The following IPCEF1 variants were observed in gnomAD, a reference collection of about 807,000 sequenced individuals.
IPCEF1 encodes the protein interaction protein for cytohesin exchange factors 1.
IPCEF1 carries 31 observed loss-of-function variants against 50.9 expected under a neutral mutation model. The ratio of observed to expected loss-of-function variants is 0.61; its 90% CI spans 0.46 to 0.82. The LOEUF (loss-of-function observed/expected upper bound fraction) is 0.82. IPCEF1 is among the 40% of genes least tolerant of loss of function. IPCEF1 has a pLI of 0.00. For missense variants in IPCEF1, 458 were observed against 514.0 expected (o/e 0.89, Z 1.05); for synonymous variants, 181 against 192.0 (o/e 0.94, Z 0.47).
At chr6:154,197,008 C>A (rs1776673484) in intron 10 of IPCEF1, among the ~76,000 whole-genome samples, 1 of 152,138 alleles carries the variant, frequency 6.6e-6, no homozygotes, top group African/African-American at 2.4e-5. Flanking sequence ...CTGCTTGTTT[C>A]AGGACTCAGT....
rs1798856496 is a variant in IPCEF1, at chr6:154,159,690, A to G, written c.*138T>C. The G allele has an allele frequency of 4.4e-6, 3 of 675,880 alleles. No individual in the cohort carries two copies. The highest frequency in any genetic ancestry group is 1.8e-5 in the African/African-American group (1 of 54,682). The allele number at this position is 675,880 out of a possible 1,614,324, so 41.9% of individuals were successfully genotyped here. The stretch of plus-strand genomic sequence containing the variant: ...GTGTATTCGGTGATTATCTTCATCT[A>G]ACGTGCATCTTTAGATGGGAAGCTG... On this transcript the variant is annotated 3_prime_UTR_variant, in exon 12 of 12. Transcript: ENST00000367220.
At chr6:154,267,523 T>C (rs533715036) in intron 2 of IPCEF1, among the ~76,000 whole-genome samples, 31 of 152,200 alleles carry the variant, frequency 2.0e-4, no homozygotes, top group Non-Finnish European at 4.0e-4. Context: ...GAAACCTCTG[T>C]GGCTGGTGGC....
At chr6:154,208,370 G>C (rs1045986507) in intron 9 of IPCEF1, among the ~76,000 whole-genome samples, 1 of 152,122 alleles carries the variant, frequency 6.6e-6, no homozygotes, top group Non-Finnish European at 1.5e-5. Context: ...TCAAGGTTTC[G>C]CTCAGATCTC....
At position 154,159,847 on chromosome 6, in the gene IPCEF1, G is replaced by A. The variant is rs1798863476; in HGVS notation, c.1298C>T (p.Ser433Phe). 6.2e-7 allele frequency: 1 copy of A among 1,611,304 alleles called. No individual in the cohort carries two copies. The highest frequency in any genetic ancestry group is 1.7e-5 in the Admixed American group (1 of 59,046). Residue 433 changes from serine to phenylalanine, a missense_variant, in exon 12 of 12, where the codon TCT (serine) becomes TTT (phenylalanine). Physicochemically the swap from Ser to Phe is radical, Grantham distance 155. Coordinates refer to ENST00000367220, the MANE Select transcript of IPCEF1 (RefSeq NM_001130700.2). ...TTTGTCTCAAATGGAATTTTCAACAGAGGGAGAAGAAGGTGATTTCTTGAG... is the reference window on the plus strand; with the variant it reads ...TTTGTCTCAAATGGAATTTTCAACAAAGGGAGAAGAAGGTGATTTCTTGAG... ...QELKKSPSSP[S>F]VENSI
intron 1 of IPCEF1, among the ~76,000 whole-genome samples, chr6:154,310,681 A>G (rs1783056173): frequency 1.3e-5 from 2 of 148,398 alleles, no homozygotes; most frequent in Non-Finnish European, 1.5e-5. Context: ...CCTAAAAAAG[A>G]AGGAGAGTCT....
intron 7 of IPCEF1, among the ~76,000 whole-genome samples, chr6:154,221,044 C>T (rs777837107): frequency 2.6e-5 from 4 of 152,144 alleles, no homozygotes; most frequent in African/African-American, 9.7e-5. Context: ...AGTGGTTCCC[C>T]GAAATAGCCA....
intron 3 of IPCEF1, among the ~76,000 whole-genome samples, chr6:154,254,325 T>G (rs975593643): frequency 1.3e-5 from 2 of 152,126 alleles, no homozygotes; most frequent in Non-Finnish European, 2.9e-5. Flanking sequence ...TCTGCATGGC[T>G]GAAGGGGCCT....
At chr6:154,355,162 G>A (rs975980081) in intron 1 of IPCEF1, among the ~76,000 whole-genome samples, 4 of 152,156 alleles carry the variant, frequency 2.6e-5, no homozygotes, top group Admixed American at 1.3e-4. Context: ...AAGGATGCAC[G>A]AGTCAAAAGG....
rs928975377 is a variant in IPCEF1, at chr6:154,199,787, A to G, written c.791T>C (p.Val264Ala). ...GTTCAAAAATCCACTTTCTGATGTG[A>G]CAAAACTGTTTTCCAGGGCCTTGTG... ...GIHKALENSFVTSESGFLNSL... is the reference protein window; with the variant it reads ...GIHKALENSFATSESGFLNSL... Residue 264 changes from valine to alanine, a missense_variant, in exon 10 of 12, where the codon GTC becomes GCC. Coordinates refer to ENST00000367220, the MANE Select transcript of IPCEF1 (RefSeq NM_001130700.2). 2.5e-6 allele frequency: 4 copies of G among 1,614,246 alleles called. No individual in the cohort carries two copies. The highest frequency in any genetic ancestry group is 3.3e-5 in the Admixed American group (2 of 60,028).
intron 5 of IPCEF1, among the ~76,000 whole-genome samples, chr6:154,238,043 A>G (rs2128633172): frequency 6.6e-6 from 1 of 152,338 alleles, no homozygotes; most frequent in South Asian, 2.1e-4. Flanking sequence ...ACTATCATAT[A>G]TGCATATATA....
chr6:154,224,429 T>G (rs555546908), intron 5 of IPCEF1, among the ~76,000 whole-genome samples: 2 of 152,304 alleles, frequency 1.3e-5, no homozygotes, highest in African/African-American at 4.8e-5. Flanking sequence ...AACTCAAGGC[T>G]GGGTGCAGTG....
In IPCEF1 at chr6:154,175,876, G is replaced by T. The variant is rs1049755636; in HGVS notation, c.911-7763C>A. 7.9e-5 allele frequency among the ~76,000 whole-genome samples: 12 copies of T among 152,182 alleles called. 1 individual carries two copies. The highest frequency in any genetic ancestry group is 2.6e-4 in the Admixed American group (4 of 15,268). On this transcript the variant is annotated intron_variant, in intron 10 of 11. Transcript: ENST00000367220. ...CTGGCAGAGACACAACAAAAAAAGG[G>T]AATTTTAGGCCAATATCCCTGATGA...
chr6:154,164,073 A>T (rs1195071391), intron 11 of IPCEF1, among the ~76,000 whole-genome samples: 1 of 152,214 alleles, frequency 6.6e-6, no homozygotes, highest in Non-Finnish European at 1.5e-5. Flanking sequence ...ATATCACCAT[A>T]CTGCTATTAA....
chr6:154,355,024 A>G (rs866371192), intron 1 of IPCEF1, among the ~76,000 whole-genome samples: 59 of 148,432 alleles, frequency 4.0e-4, no homozygotes, highest in African/African-American at 1.5e-3. Context: ...ACACACACAC[A>G]CACACACACA....
intron 10 of IPCEF1, among the ~76,000 whole-genome samples, chr6:154,189,867 C>T (rs1801709443): frequency 6.6e-6 from 1 of 151,842 alleles, no homozygotes; most frequent in Non-Finnish European, 1.5e-5. Context: ...AGGAGAATCA[C>T]TGGAACCTGG....
intron 4 of IPCEF1, 130 bp downstream of exon 4, chr6:154,247,319 A>T: frequency 1.4e-6 from 1 of 690,560 alleles, no homozygotes; most frequent in Non-Finnish European, 2.5e-6. Context: ...ACCAAAAATT[A>T]ATCTGCCGTC....
At chr6:154,304,746 G>C (rs975251614) in intron 1 of IPCEF1, among the ~76,000 whole-genome samples, 2 of 152,120 alleles carry the variant, frequency 1.3e-5, no homozygotes, top group African/African-American at 4.8e-5. Flanking sequence ...GAAATTTCCT[G>C]CCTGTATCTC....
intron 10 of IPCEF1, among the ~76,000 whole-genome samples, chr6:154,175,058 G>C (rs1310634993): frequency 6.6e-6 from 1 of 152,170 alleles, no homozygotes; most frequent in Non-Finnish European, 1.5e-5. Context: ...TGAACAACCT[G>C]CTCCTGAATG....
At chr6:154,289,327 C>T (rs1782452589) in intron 2 of IPCEF1, among the ~76,000 whole-genome samples, 1 of 151,700 alleles carries the variant, frequency 6.6e-6, no homozygotes, top group Admixed American at 6.6e-5. Flanking sequence ...AGTAAGTACT[C>T]CATTTCTAGA....
Sources: gnomAD v4.1 joint callset for allele counts (sites outside exome capture counted in the v4.1 genomes callset) on GRCh38, gnomAD v4.1.1 for gene constraint, MANE v1.5 for transcripts, NCBI Gene and HGNC (gene_info 2026-07-23, HGNC 2026-07-21) for gene names.